Variants in RIF1 observed in about 807,000 individuals in gnomAD.
RIF1 encodes the protein replication timing regulatory factor 1.
In RIF1, 45 loss-of-function variants were observed where a neutral mutation model predicts 247.1. The observed-to-expected ratio is 0.18, with a 90% confidence interval of 0.14 to 0.23. The LOEUF (loss-of-function observed/expected upper bound fraction) is 0.23. Among genes scored for constraint, RIF1 ranks in the 10% least tolerant of loss-of-function variants. The pLI is 1.00. For missense variants in RIF1, 2,967 were observed against 2,862.5 expected, an observed-to-expected ratio of 1.04 and a Z score of -0.83; for synonymous variants, 1,087 against 978.8, an observed-to-expected ratio of 1.11 and a Z score of -2.06.
chr2:151,514,391 C>T, the RIF1 span: 13 of 1,613,552 alleles, frequency 8.1e-6, no homozygotes, highest in Admixed American at 1.3e-4. Flanking sequence ...GAGGCCCTTC[C>T]CACGGATGCT....
At chr2:151,472,716 G>A (rs1275704007) in intron 34 of RIF1, among the ~76,000 whole-genome samples, 2 of 152,222 alleles carry the variant, frequency 1.3e-5, no homozygotes, top group Non-Finnish European at 2.9e-5. Flanking sequence ...TCCCAGGGAT[G>A]AAGCTCACTT....
Position 151,437,228 on chromosome 2 carries a change from T to G in RIF1, c.1373-13T>G. On this transcript the variant is annotated splice_polypyrimidine_tract_variant and intron_variant, in intron 12 of 35. Coordinates refer to ENST00000444746, the MANE Select transcript of RIF1 (RefSeq NM_018151.5). ...GTTGTTTTACATAATTATCTTTTAT[T>G]CTTCCCTTTCAGAGCCATTGGAACA... 1.3e-6 allele frequency: 2 copies of G among 1,576,718 alleles called. No homozygotes were observed. Among genetic ancestry groups the G allele is most frequent in the Non-Finnish European group, 1.7e-6 (2 of 1,147,320 alleles).
chr2:151,466,493 G>C (rs533345328), intron 30 of RIF1, among the ~76,000 whole-genome samples: 76 of 152,016 alleles, frequency 5.0e-4, no homozygotes, highest in Non-Finnish European at 1.0e-3. Flanking sequence ...GTAGTTGTGT[G>C]TTGGAACATT....
At chr2:151,526,680 GA>G in the RIF1 span, among the ~76,000 whole-genome samples, 1 of 152,210 alleles carries the variant, frequency 6.6e-6, no homozygotes, top group Admixed American at 6.5e-5. Context: ...CCTGCTGTGT[GA>G]ACTCTCTGCT....
At position 151,463,226 on chromosome 2, in the gene RIF1, A is replaced by T; in HGVS notation, c.3706A>T (p.Ser1236Cys). ...TGATGGTTCAGAAAATAGACCTTTT[A>T]GTCCATCCCCCTTGAATAATATTTC... ...KFDGSENRPF[S>C]PSPLNNISST... is the part of the protein sequence containing the mutation. Residue 1236 changes from serine (S) to cysteine (C), a missense_variant, in exon 30 of 36, where the codon AGT becomes TGT. Ser to Cys is a moderately radical substitution (Grantham distance 112). Transcript: ENST00000444746. 6.2e-7 allele frequency: 1 copy of T among 1,614,076 alleles called. No individual in the cohort carries two copies. The highest frequency in any genetic ancestry group is 1.1e-5 in the South Asian group (1 of 91,082).
downstream of RIF1, chr2:151,486,573 A>G (rs947451205): frequency 3.3e-5 from 5 of 152,306 alleles, no homozygotes; most frequent in African/African-American, 9.6e-5. Flanking sequence ...AGCATTACTC[A>G]TAATAGCCAA....
chr2:151,440,337 T>C (rs985145086), intron 15 of RIF1, among the ~76,000 whole-genome samples: 3 of 152,058 alleles, frequency 2.0e-5, no homozygotes, highest in Admixed American at 2.0e-4. Flanking sequence ...GCCACAAAAG[T>C]CTTCAACGTG....
intron 3 of RIF1, among the ~76,000 whole-genome samples, chr2:151,414,286 CAAA>C (rs67760163): frequency 0.36 from 52,769 of 145,120 alleles, 9,483 homozygotes; most frequent in South Asian, 0.46. Context: ...AACTCTGTCT[CAAA>C]AAAAAAAAAA....
chr2:151,516,712 G>C, the RIF1 span: 1 of 650,716 alleles, frequency 1.5e-6, no homozygotes. Flanking sequence ...TTCAGATCCA[G>C]TACATTTTTG....
At chr2:151,430,417 G>C (rs1689880579) in intron 9 of RIF1, among the ~76,000 whole-genome samples, 1 of 151,948 alleles carries the variant, frequency 6.6e-6, no homozygotes, top group Non-Finnish European at 1.5e-5. Context: ...CGCCTCCCAA[G>C]TTCAAGCGAT....
chr2:151,460,079 A>G lies in RIF1; in HGVS notation c.3035A>G (p.Gln1012Arg). 1.3e-6 allele frequency: 2 copies of G among 1,575,878 alleles called. No individual in the cohort carries two copies. The highest frequency in any genetic ancestry group is 1.7e-6 in the Non-Finnish European group (2 of 1,156,764). The change falls in exon 26 of 36, where the codon CAA (glutamine) becomes CGA (arginine). Residue 1012 changes from glutamine to arginine, a missense_variant. By Grantham distance (43) the Gln-to-Arg change is conservative. Around this residue, in one of 7 missense-constraint regions of RIF1, gnomAD observed 2,028 missense variants for 1,825.6 expected, o/e 1.11. Coordinates refer to ENST00000444746, the MANE Select transcript of RIF1 (RefSeq NM_018151.5). Reference sequence around the variant, plus strand: ...GGAAAAAGAGATTCATTTTTGGCACAAACAAAGAATAAAAAAGAAAATATG... The same window carrying G: ...GGAAAAAGAGATTCATTTTTGGCACGAACAAAGAATAAAAAAGAAAATATG... ...SNGKRDSFLA[Q>R]TKNKKENMKP...
intron 8 of RIF1, chr2:151,423,267 C>T (rs540662056): frequency 1.3e-5 from 6 of 448,484 alleles, no homozygotes; most frequent in East Asian, 9.3e-5. Flanking sequence ...AGTCACACAA[C>T]GTGCATGTTT....
Position 151,469,631 on chromosome 2 carries a change from A to C in RIF1, c.6942-80A>C, listed in dbSNP as rs191899698. ...CAGTTATGATTGAGCTTAAATGGGGAAATTGAACTGGATAAACCCTTGCAA... is the reference window on the plus strand; with the variant it reads ...CAGTTATGATTGAGCTTAAATGGGGCAATTGAACTGGATAAACCCTTGCAA... On this transcript the variant is annotated intron_variant, in intron 33 of 35. Coordinates refer to ENST00000444746, the MANE Select transcript of RIF1 (RefSeq NM_018151.5). The C allele has an allele frequency of 3.0e-4, 317 of 1,063,668 alleles. 1 individual carries two copies. The highest frequency in any genetic ancestry group is 3.8e-5 in the Non-Finnish European group (30 of 790,456). 65.9% of individuals were successfully genotyped at this position (1,063,668 alleles called of 1,614,324 possible).
chr2:151,440,066 T>C lies in RIF1; in HGVS notation c.1586T>C (p.Leu529Pro), dbSNP rs1172713604. The C allele has an allele frequency of 2.5e-6, 4 of 1,601,254 alleles. No homozygotes were observed. The highest frequency in any genetic ancestry group is 2.6e-6 in the Non-Finnish European group (3 of 1,173,526). ...KEKPGSEVLT[L>P]LLKSLESIVK... Reference sequence around the variant, plus strand: ...AAACCAGGTTCTGAAGTTTTGACTCTCTTATTAAAGTCTTTGGAAAGCATA... The same window carrying C: ...AAACCAGGTTCTGAAGTTTTGACTCCCTTATTAAAGTCTTTGGAAAGCATA... The change falls in exon 15 of 36, where the codon CTC becomes CCC. Residue 529 changes from leucine to proline, a missense_variant. By Grantham distance (98) the Leu-to-Pro change is moderately conservative. Transcript: ENST00000444746.
At chr2:151,428,675 G>T (rs2152281596) in intron 8 of RIF1, 109 bp from the exon 9 acceptor site, 2 of 805,228 alleles carry the variant, frequency 2.5e-6, no homozygotes, top group South Asian at 3.1e-5. Flanking sequence ...CTCCCCATTA[G>T]ATTATGAAGT....
At chr2:151,525,265 G>A in the RIF1 span, 1 of 1,610,506 alleles carries the variant, frequency 6.2e-7, no homozygotes, top group South Asian at 1.1e-5. Flanking sequence ...ACTTCTTTTT[G>A]TAATTTGTCT....
intron 7 of RIF1, 93 bp downstream of exon 7, chr2:151,420,472 C>CTCTCACCT (rs1687967927): frequency 1.6e-6 from 2 of 1,229,898 alleles, no homozygotes; most frequent in African/African-American, 3.0e-5. Context: ...GGTACGGTGG[C>CTCTCACCT]TCTCACCTGT....
At chr2:151,444,535 C>G (rs563014774) in intron 18 of RIF1, among the ~76,000 whole-genome samples, 1 of 152,280 alleles carries the variant, frequency 6.6e-6, no homozygotes, top group Non-Finnish European at 1.5e-5. Context: ...ATCTCAAACT[C>G]TTGACCTTAG....
the RIF1 span, chr2:151,534,085 A>G: frequency 1.4e-6 from 1 of 693,758 alleles, no homozygotes; most frequent in Non-Finnish European, 2.5e-6. Flanking sequence ...GGCTAGACAG[A>G]TACTTTGAAA....
Sources: allele counts gnomAD v4.1 joint callset (sites outside exome capture counted in the v4.1 genomes callset), GRCh38; gene constraint gnomAD v4.1.1; regional missense constraint gnomAD v4.1.1; transcripts MANE v1.5; gene names NCBI Gene and HGNC (gene_info 2026-07-23, HGNC 2026-07-21).